MAML3: variants seen among roughly 807,000 people sequenced by gnomAD.
The protein encoded by MAML3 is mastermind like transcriptional coactivator 3.
MAML3 carries 27 observed loss-of-function variants against 101.9 expected under a neutral mutation model. The observed-to-expected ratio is 0.27, with a 90% CI of 0.20 to 0.37. The LOEUF is 0.37. Ranked by LOEUF, MAML3 falls within the 10% of genes least tolerant of loss-of-function variation. MAML3 has a pLI of 1.00. For synonymous variants in MAML3, 501 were observed against 555.9 expected (o/e 0.90, Z 1.39); for missense variants, 1,316 against 1,444.9 (o/e 0.91, Z 1.45).
intron 1 of MAML3, among the ~76,000 whole-genome samples, chr4:140,107,507 C>CT (rs34219237): frequency 0.018 from 2,536 of 139,230 alleles, 57 homozygotes; most frequent in African/African-American, 0.06. Context: ...GAAAAAAATG[C>CT]TTTTTTTTTT....
At position 140,037,599 on chromosome 4, in the gene MAML3, T is replaced by C. The variant is rs139342887; in HGVS notation, c.468+115261A>G. 6.5e-4 allele frequency among the ~76,000 whole-genome samples: 99 copies of C among 152,312 alleles called. No homozygotes were observed. In the Middle Eastern group the frequency reaches 0.017, roughly 26 times the overall value. On this transcript the variant is annotated intron_variant, in intron 1 of 4. Coordinates refer to ENST00000509479, the MANE Select transcript of MAML3 (RefSeq NM_018717.5). ...CTCACAGGAGGCCTGCAGCTTCAGT[T>C]TTGAACAAACAAACGCACGTCTTCA...
chr4:139,840,784 G>A (rs886537194), intron 2 of MAML3, among the ~76,000 whole-genome samples: 1 of 152,194 alleles, frequency 6.6e-6, no homozygotes, highest in Admixed American at 6.5e-5. Flanking sequence ...GGAGGATGTT[G>A]CTCTCTCTGC....
intron 1 of MAML3, among the ~76,000 whole-genome samples, chr4:139,915,549 C>T (rs1237601600): frequency 6.6e-6 from 1 of 152,198 alleles, no homozygotes; most frequent in African/African-American, 2.4e-5. Flanking sequence ...CAAGGATTCT[C>T]TCAGAAATGT....
intron 1 of MAML3, among the ~76,000 whole-genome samples, chr4:139,903,868 C>T (rs950610465): frequency 3.9e-5 from 6 of 152,220 alleles, no homozygotes; most frequent in African/African-American, 1.4e-4. Context: ...GGCCATTACT[C>T]ATTAGACGGC....
chr4:139,734,225 T>G (rs548113041), intron 2 of MAML3, among the ~76,000 whole-genome samples: 1 of 152,316 alleles, frequency 6.6e-6, no homozygotes, highest in South Asian at 2.1e-4. Flanking sequence ...TGAGAAATAG[T>G]CTGTCAAATT....
intron 1 of MAML3, among the ~76,000 whole-genome samples, chr4:140,039,604 C>T (rs992351839): frequency 6.6e-6 from 1 of 152,210 alleles, no homozygotes; most frequent in Non-Finnish European, 1.5e-5. Context: ...CCCACCCCGA[C>T]TGTGCAGGTG....
rs144367312 is a variant in MAML3, at chr4:139,825,688, G to A, written c.2079+63669C>T. On this transcript the variant is annotated intron_variant, in intron 2 of 4. Transcript: ENST00000509479. Reference sequence around the variant, plus strand: ...TATCCAGAGAGGCAATTTGCAGCGCGAGGTACAAAACACATCAACATCTCT... The same window carrying A: ...TATCCAGAGAGGCAATTTGCAGCGCAAGGTACAAAACACATCAACATCTCT... Among the ~76,000 whole-genome samples the A allele has an allele frequency of 4.0e-3, 605 of 151,846 alleles. 8 individuals are homozygous for A. The highest frequency in any genetic ancestry group is 0.014 in the African/African-American group (562 of 41,376).
intron 1 of MAML3, among the ~76,000 whole-genome samples, chr4:140,045,314 G>C (rs1727164012): frequency 6.8e-6 from 1 of 147,800 alleles, no homozygotes; most frequent in African/African-American, 2.5e-5. Flanking sequence ...AGAATCGCTT[G>C]AATCCATGAG....
intron 1 of MAML3, among the ~76,000 whole-genome samples, chr4:140,056,832 C>T (rs888045477): frequency 3.3e-5 from 5 of 151,074 alleles, no homozygotes; most frequent in African/African-American, 1.2e-4. Context: ...AAGGTTCTAT[C>T]CCACTCTAAG....
chr4:139,758,989 T>A (rs1352816833), intron 2 of MAML3, among the ~76,000 whole-genome samples: 1 of 152,228 alleles, frequency 6.6e-6, no homozygotes, highest in African/African-American at 2.4e-5. Context: ...TGTCCATCCA[T>A]CCATCTGTGA....
intron 1 of MAML3, among the ~76,000 whole-genome samples, chr4:140,130,508 C>T (rs1356245442): frequency 6.6e-6 from 1 of 152,198 alleles, no homozygotes; most frequent in Non-Finnish European, 1.5e-5. Flanking sequence ...GCAGCTTATA[C>T]AATGATTTTT....
chr4:140,115,404 A>G (rs959815722), intron 1 of MAML3, among the ~76,000 whole-genome samples: 1 of 152,242 alleles, frequency 6.6e-6, no homozygotes, highest in Non-Finnish European at 1.5e-5. Flanking sequence ...GCAATTCATA[A>G]ACAAATGAAA....
At chr4:139,760,427 G>A (rs778161039) in intron 2 of MAML3, among the ~76,000 whole-genome samples, 6 of 152,154 alleles carry the variant, frequency 3.9e-5, no homozygotes, top group Non-Finnish European at 7.3e-5. Flanking sequence ...CCAGCACTTC[G>A]GGAAAATTAC....
intron 1 of MAML3, among the ~76,000 whole-genome samples, chr4:140,137,774 A>G (rs1201413126): frequency 6.6e-6 from 1 of 152,208 alleles, no homozygotes; most frequent in Non-Finnish European, 1.5e-5. Flanking sequence ...CTCCTACACC[A>G]TTACTTCAGA....
chr4:140,103,041 T>C (rs72935774), intron 1 of MAML3, among the ~76,000 whole-genome samples: 10,780 of 152,216 alleles, frequency 0.071, 721 homozygotes, highest in African/African-American at 0.18. Flanking sequence ...TTGGGCTTTG[T>C]TGTAACTGCA....
chr4:140,126,067 C>T (rs534949509), intron 1 of MAML3, among the ~76,000 whole-genome samples: 1 of 151,946 alleles, frequency 6.6e-6, no homozygotes, highest in South Asian at 2.1e-4. Flanking sequence ...TAAGCCACCG[C>T]GCCTGGCCAA....
At chr4:140,093,078 C>A (rs1010124752) in intron 1 of MAML3, among the ~76,000 whole-genome samples, 2 of 152,280 alleles carry the variant, frequency 1.3e-5, no homozygotes, top group Admixed American at 1.3e-4. Context: ...CTCTTTTATG[C>A]GAGCAGATTT....
Position 139,735,179 on chromosome 4 carries a change from G to A in MAML3, c.2080-4512C>T, listed in dbSNP as rs1293862398. Among the ~76,000 whole-genome samples the A allele has an allele frequency of 1.3e-5, 2 of 152,240 alleles. No homozygotes were observed. The highest frequency in any genetic ancestry group is 4.8e-5 in the African/African-American group (2 of 41,462). ...CTGGCAACTGAGAGCACAATACCGA[G>A]CAGATGGTGTTCGCACGGCGTGATG... On this transcript the variant is annotated intron_variant, in intron 2 of 4. Coordinates refer to ENST00000509479, the MANE Select transcript of MAML3 (RefSeq NM_018717.5). The surrounding 1 kb of genome is among the most constrained non-coding windows in gnomAD (Gnocchi z 5.8).
At chr4:139,847,103 C>G (rs115437324) in intron 2 of MAML3, among the ~76,000 whole-genome samples, 2,610 of 152,342 alleles carry the variant, frequency 0.017, 37 homozygotes, top group Middle Eastern at 0.051. Context: ...AAATCTCCCT[C>G]CCTCCATTCT....
Sources: gnomAD v4.1 joint callset for allele counts (sites outside exome capture counted in the v4.1 genomes callset) on GRCh38, gnomAD v4.1.1 for gene constraint, Gnocchi (gnomAD v3.1) non-coding constraint, MANE v1.5 for transcripts, NCBI Gene and HGNC (gene_info 2026-07-23, HGNC 2026-07-21) for gene names.